Variants in ADCY1 observed in about 807,000 individuals in gnomAD.
ADCY1 encodes the protein adenylate cyclase 1.
A neutral mutation model predicts 105.4 loss-of-function variants in ADCY1; 28 were observed. The ratio of observed to expected loss-of-function variants is 0.27; its 90% CI spans 0.20 to 0.36. The LOEUF (loss-of-function observed/expected upper bound fraction) is 0.36, where lower values mean the gene tolerates loss of function less well. Ranked by LOEUF, ADCY1 falls within the 10% of genes least tolerant of loss-of-function variation. ADCY1 has a pLI of 1.00. For synonymous variants in ADCY1, 655 were observed against 623.8 expected (o/e 1.05, Z -0.75); for missense variants, 977 against 1,434.2 (o/e 0.68, Z 5.15).
At chr7:45,588,859 C>A (rs531482798) in intron 1 of ADCY1, among the ~76,000 whole-genome samples, 18 of 149,054 alleles carry the variant, frequency 1.2e-4, no homozygotes, top group Non-Finnish European at 1.5e-5. Context: ...ACACCCCCAT[C>A]ATTGCGTGTA....
intron 10 of ADCY1, among the ~76,000 whole-genome samples, chr7:45,678,910 C>T (rs62459981): frequency 1.5e-5 from 2 of 135,884 alleles, no homozygotes; most frequent in Admixed American, 1.5e-4. Flanking sequence ...ATAATAATAA[C>T]AATAACTTTT....
intron 5 of ADCY1, among the ~76,000 whole-genome samples, chr7:45,656,714 G>A (rs908089581): frequency 6.6e-6 from 1 of 152,210 alleles, no homozygotes; most frequent in East Asian, 1.9e-4. Context: ...GCACAGCCTT[G>A]CCTTGCATGT....
rs893686844 is a variant in ADCY1 at position 45,583,589 on chromosome 7, A to G, written c.639+8407A>G. Reference sequence around the variant, plus strand: ...GCTCAGCCTGAGAAAATGCAGATGCATGGTGCTTGGCTGGCCTGGCTTCCT... The same window carrying G: ...GCTCAGCCTGAGAAAATGCAGATGCGTGGTGCTTGGCTGGCCTGGCTTCCT... On this transcript the variant is annotated intron_variant, in intron 1 of 19. Transcript: ENST00000297323. Among the ~76,000 whole-genome samples, 10 of 152,274 alleles carry G rather than the reference A, an allele frequency of 6.6e-5. No homozygotes were observed. The East Asian group carries it at 1.7e-3, about 26-fold the overall frequency.
intron 4 of ADCY1, among the ~76,000 whole-genome samples, chr7:45,644,735 G>A (rs1251692773): frequency 6.6e-6 from 1 of 152,126 alleles, no homozygotes; most frequent in East Asian, 1.9e-4. Context: ...GTGGACTCTA[G>A]GTGCTGACTT....
At chr7:45,582,112 ACACT>A (rs540598156) in intron 1 of ADCY1, among the ~76,000 whole-genome samples, 22 of 152,138 alleles carry the variant, frequency 1.4e-4, no homozygotes, top group South Asian at 2.1e-4. Context: ...ATAGATTCAC[ACACT>A]CACAAAGCAA....
Position 45,703,531 on chromosome 7 carries a change from C to T in ADCY1, c.2571+39C>T. 1 of 1,613,622 alleles carries T rather than the reference C, an allele frequency of 6.2e-7. No individual in the cohort carries two copies. The highest frequency in any genetic ancestry group is 1.1e-5 in the South Asian group (1 of 91,050). On this transcript the variant is annotated intron_variant, in intron 15 of 19. Transcript: ENST00000297323. This position sits in a 1 kb window ranked among gnomAD's most constrained non-coding sequence, Gnocchi z 5.9. ...CTGCTCCTGGCCAGCACTAGCCCTA[C>T]ACTGCTCTGGCCACCCCACTTGGCG...
intron 14 of ADCY1, among the ~76,000 whole-genome samples, chr7:45,688,378 T>G (rs1749319190): frequency 6.6e-6 from 1 of 152,244 alleles, no homozygotes; most frequent in African/African-American, 2.4e-5. Flanking sequence ...TGGCAGCCTG[T>G]TACTCTGTGA....
intron 19 of ADCY1, 45 bp from the exon 20 acceptor site, chr7:45,713,648 C>T (rs746053576): frequency 4.0e-6 from 3 of 751,926 alleles, no homozygotes; most frequent in South Asian, 2.9e-5. Flanking sequence ...CCAGAGGAGT[C>T]CCCCTCATTG....
intron 14 of ADCY1, among the ~76,000 whole-genome samples, chr7:45,699,608 G>T (rs1402126815): frequency 6.6e-6 from 1 of 150,396 alleles, no homozygotes. Context: ...TCTGCTGGGG[G>T]ACGGGAGGGT....
intron 2 of ADCY1, among the ~76,000 whole-genome samples, chr7:45,606,982 T>C (rs1793391755): frequency 6.6e-6 from 1 of 152,140 alleles, no homozygotes; most frequent in African/African-American, 2.4e-5. Flanking sequence ...GGAATCTTTA[T>C]AATGTGAATG....
intron 2 of ADCY1, among the ~76,000 whole-genome samples, 196 bp from the exon 3 acceptor site, chr7:45,610,183 A>G (rs1335416751): frequency 6.6e-6 from 1 of 152,094 alleles, no homozygotes; most frequent in Non-Finnish European, 1.5e-5. Flanking sequence ...CGCCGCAGGG[A>G]GGCTTGGGTG....
intron 19 of ADCY1, among the ~76,000 whole-genome samples, chr7:45,712,679 G>T (rs544937424): frequency 2.0e-5 from 3 of 152,290 alleles, no homozygotes; most frequent in East Asian, 3.9e-4. Flanking sequence ...CGATGCCAGG[G>T]TTTGAATGGA....
At chr7:45,684,017 G>A (rs541894520) in intron 11 of ADCY1, among the ~76,000 whole-genome samples, 76 of 152,340 alleles carry the variant, frequency 5.0e-4, no homozygotes, top group African/African-American at 1.6e-3. Context: ...TTGCACCTGC[G>A]TCTTGCCCAG....
At chr7:45,655,596 G>T (rs1355924232) in intron 5 of ADCY1, among the ~76,000 whole-genome samples, 1 of 152,192 alleles carries the variant, frequency 6.6e-6, no homozygotes, top group African/African-American at 2.4e-5. Context: ...TCAGTTAACG[G>T]CAGATCTGAT....
chr7:45,601,533 G>GT (rs1381435711), intron 2 of ADCY1, among the ~76,000 whole-genome samples: 30 of 151,102 alleles, frequency 2.0e-4, no homozygotes, highest in East Asian at 7.8e-4. Flanking sequence ...ATTATTGTTT[G>GT]TTTTTTTTTC....
chr7:45,692,001 C>T (rs11766222), intron 14 of ADCY1, among the ~76,000 whole-genome samples: 63,382 of 152,056 alleles, frequency 0.42, 14,058 homozygotes, highest in African/African-American at 0.55. Flanking sequence ...GTCATCTTGT[C>T]CTCTGTTACT....
chr7:45,654,414 A>G (rs896019564), intron 5 of ADCY1, among the ~76,000 whole-genome samples: 1 of 152,218 alleles, frequency 6.6e-6, no homozygotes, highest in Non-Finnish European at 1.5e-5. Flanking sequence ...AGTAAATGGC[A>G]TGTGCTTTTC....
At position 45,676,874 on chromosome 7, in the gene ADCY1, A is replaced by G. The variant is rs183083244; in HGVS notation, c.1606-995A>G. 1.5e-4 allele frequency among the ~76,000 whole-genome samples: 23 copies of G among 148,736 alleles called. No individual in the cohort carries two copies. In the East Asian group the frequency reaches 4.3e-3, roughly 28 times the overall value. On this transcript the variant is annotated intron_variant, in intron 8 of 19. Transcript: ENST00000297323. ...TTTTTTTATGGTCTTTGGCTACAAT[A>G]GGGTGGTTATTGTCTAAAAGTTTTG...
Position 45,721,419 on chromosome 7 carries a change from A to G in ADCY1, c.*7424A>G. ...TTGAGCGAAACCTGTCATTGCGTCT[A>G]ATTTCAAATATACAGAATCTCCTTA... On this transcript the variant is annotated 3_prime_UTR_variant, in exon 20 of 20. Coordinates refer to ENST00000297323, the MANE Select transcript of ADCY1 (RefSeq NM_021116.4). 2.7e-6 allele frequency: 1 copy of G among 365,056 alleles called. No homozygotes were observed. Among genetic ancestry groups the G allele is most frequent in the Non-Finnish European group, 4.9e-6 (1 of 205,394 alleles). The allele number at this position is 365,056 out of a possible 1,614,324, so 22.6% of individuals were successfully genotyped here. A position where few individuals can be genotyped will look rare whatever the true frequency, so the allele number is the denominator to read the frequency against.
Sources: allele counts gnomAD v4.1 joint callset (sites outside exome capture counted in the v4.1 genomes callset), GRCh38; gene constraint gnomAD v4.1.1; non-coding constraint Gnocchi (gnomAD v3.1); transcripts MANE v1.5; gene names NCBI Gene and HGNC (gene_info 2026-07-23, HGNC 2026-07-21).